MBNL1: variants seen among roughly 807,000 people sequenced by gnomAD.
The protein encoded by MBNL1 is muscleblind like splicing regulator 1, also known as muscleblind-like protein 1.
MBNL1 carries 8 observed loss-of-function variants against 42.2 expected under a neutral mutation model. That is an observed-to-expected ratio of 0.19 (90% CI 0.11 to 0.34). MBNL1 has a LOEUF of 0.34. Ranked by LOEUF, MBNL1 falls within the 10% of genes least tolerant of loss-of-function variation. The pLI, the probability that MBNL1 is intolerant of heterozygous loss-of-function variation, is 1.00. For missense variants in MBNL1, 309 were observed against 495.3 expected, an observed-to-expected ratio of 0.62 and a Z score of 3.57; for synonymous variants, 169 against 173.9, an observed-to-expected ratio of 0.97 and a Z score of 0.22.
At chr3:152,354,674 G>C (rs2095376751) in intron 2 of MBNL1, among the ~76,000 whole-genome samples, 1 of 150,730 alleles carries the variant, frequency 6.6e-6, no homozygotes, top group African/African-American at 2.4e-5. Context: ...TGAAGCCTTT[G>C]GTTTATATAG....
chr3:152,425,133 C>T (rs563684772), intron 3 of MBNL1, among the ~76,000 whole-genome samples: 60 of 151,806 alleles, frequency 4.0e-4, no homozygotes, highest in Admixed American at 3.2e-3. Context: ...ACCTACAGAA[C>T]GGGAGAAGAT....
chr3:152,458,191 A>G, intron 8 of MBNL1: 1 of 1,613,674 alleles, frequency 6.2e-7, no homozygotes, highest in Middle Eastern at 1.7e-4. Context: ...AGCAGGAAAA[A>G]TGGTATGAGA....
chr3:152,255,411 T>C (rs2035315160), intron 2 of MBNL1, among the ~76,000 whole-genome samples: 1 of 152,178 alleles, frequency 6.6e-6, no homozygotes, highest in African/African-American at 2.4e-5. Context: ...TCTCCTATAG[T>C]GCTACCACAG....
intron 5 of MBNL1, among the ~76,000 whole-genome samples, chr3:152,446,453 A>T (rs2099227820): frequency 6.6e-6 from 1 of 151,814 alleles, no homozygotes. Flanking sequence ...CTGTTAGAGT[A>T]TCTTGTTTGT....
At chr3:152,334,018 A>G (rs1437873049) in intron 2 of MBNL1, among the ~76,000 whole-genome samples, 1 of 152,210 alleles carries the variant, frequency 6.6e-6, no homozygotes, top group Non-Finnish European at 1.5e-5. Context: ...GAGTTGTGAA[A>G]ATTAAATGGG....
chr3:152,414,350 T>C (rs1286404438), intron 2 of MBNL1, among the ~76,000 whole-genome samples: 1 of 152,262 alleles, frequency 6.6e-6, no homozygotes, highest in South Asian at 2.1e-4. Flanking sequence ...ATTATACTTA[T>C]TAATCTCTAT....
upstream of MBNL1, chr3:152,266,812 G>T (rs1290010488): frequency 6.6e-6 from 1 of 152,242 alleles, no homozygotes; most frequent in African/African-American, 2.4e-5. Flanking sequence ...CATTTTTCCA[G>T]TCTGTCCACA....
chr3:152,262,175 G>A (rs2036409547), intron 2 of MBNL1, among the ~76,000 whole-genome samples: 1 of 152,116 alleles, frequency 6.6e-6, no homozygotes, highest in Non-Finnish European at 1.5e-5. Flanking sequence ...AGGAACAATA[G>A]CCAGTGTACT....
At chr3:152,375,023 C>T (rs1254917586) in intron 2 of MBNL1, among the ~76,000 whole-genome samples, 3 of 151,576 alleles carry the variant, frequency 2.0e-5, no homozygotes, top group South Asian at 2.1e-4. Flanking sequence ...GCTTTTTTTT[C>T]GCGACAGACT....
At chr3:152,309,609 T>TA (rs1219232422) in intron 2 of MBNL1, among the ~76,000 whole-genome samples, 2 of 152,198 alleles carry the variant, frequency 1.3e-5, no homozygotes, top group Non-Finnish European at 2.9e-5. Flanking sequence ...CATGGAAAAT[T>TA]AAAGTCAGAA....
intron 1 of MBNL1, among the ~76,000 whole-genome samples, chr3:152,273,046 G>T (rs566779296): frequency 6.6e-6 from 1 of 152,234 alleles, no homozygotes; most frequent in East Asian, 1.9e-4. Flanking sequence ...CCTCAGCTTG[G>T]TGCCATCTTG....
chr3:152,377,292 A>T (rs558646010), intron 2 of MBNL1, among the ~76,000 whole-genome samples: 1 of 152,132 alleles, frequency 6.6e-6, no homozygotes, highest in Non-Finnish European at 1.5e-5. Context: ...GGTTGATTTG[A>T]AACTACCTAC....
At chr3:152,342,333 C>T (rs2093424788) in intron 2 of MBNL1, among the ~76,000 whole-genome samples, 1 of 152,118 alleles carries the variant, frequency 6.6e-6, no homozygotes. Flanking sequence ...AATAATCCCA[C>T]CCTGTCTAAA....
chr3:152,373,492 G>T (rs1313679286), intron 2 of MBNL1, among the ~76,000 whole-genome samples: 1 of 152,136 alleles, frequency 6.6e-6, no homozygotes, highest in Non-Finnish European at 1.5e-5. Context: ...CATGGGAAAA[G>T]CATAGTATCT....
At position 152,315,910 on chromosome 3, in the gene MBNL1, T is replaced by C. The variant is rs1304694905; in HGVS notation, c.174+15543T>C. ...CTCACTCCTCTCTCTCTCACACACA[T>C]ATGCGCGCGCACACACCCACACGTC... On this transcript the variant is annotated intron_variant, in intron 2 of 9. Coordinates refer to ENST00000324210, the MANE Select transcript of MBNL1 (RefSeq NM_021038.5). Among the ~76,000 whole-genome samples the C allele has an allele frequency of 2.0e-5, 3 of 151,640 alleles. No homozygotes were observed. In the East Asian group the frequency reaches 5.8e-4, roughly 29 times the overall value.
intron 2 of MBNL1, among the ~76,000 whole-genome samples, chr3:152,254,758 AG>A (rs1305403759): frequency 1.3e-5 from 2 of 152,190 alleles, no homozygotes; most frequent in African/African-American, 4.8e-5. Context: ...TAACAATAAT[AG>A]CTCTGCTATT....
At chr3:152,426,634 T>A (rs1441976838) in intron 3 of MBNL1, among the ~76,000 whole-genome samples, 3 of 152,110 alleles carry the variant, frequency 2.0e-5, no homozygotes, top group Non-Finnish European at 4.4e-5. Flanking sequence ...GAGCTTTGCA[T>A]GATATCTGGA....
At chr3:152,320,406 C>T (rs995389694) in intron 2 of MBNL1, among the ~76,000 whole-genome samples, 3 of 152,076 alleles carry the variant, frequency 2.0e-5, no homozygotes, top group African/African-American at 7.2e-5. Flanking sequence ...TGGACTCATG[C>T]CATGTTTTGT....
intron 2 of MBNL1, among the ~76,000 whole-genome samples, chr3:152,316,924 A>T (rs2072068905): frequency 6.6e-6 from 1 of 152,070 alleles, no homozygotes; most frequent in Non-Finnish European, 1.5e-5. Flanking sequence ...ATTTTTAAAA[A>T]GATTAAGAAG....
Sources: gnomAD v4.1 joint callset for allele counts (sites outside exome capture counted in the v4.1 genomes callset) on GRCh38, gnomAD v4.1.1 for gene constraint, MANE v1.5 for transcripts, NCBI Gene and HGNC (gene_info 2026-07-23, HGNC 2026-07-21) for gene names.